The following KCNIP1 variants were observed in gnomAD, a reference collection of about 807,000 sequenced individuals.
KCNIP1 encodes the protein A-type potassium channel modulatory protein KCNIP1.
Under a neutral mutation model 33.0 loss-of-function variants are expected in KCNIP1, and 18 were observed. The observed-to-expected ratio is 0.55, with a 90% CI of 0.38 to 0.81. KCNIP1 has a LOEUF of 0.81. Ranked by LOEUF, KCNIP1 falls within the 30% of genes least tolerant of loss-of-function variation. The probability of loss-of-function intolerance (pLI) is 0.00; values close to 1 mark genes in which losing one functional copy is unlikely to be tolerated. For missense variants in KCNIP1, 238 were observed against 271.6 expected (o/e 0.88, Z 0.87); for synonymous variants, 93 against 98.3 (o/e 0.95, Z 0.32).
intron 1 of KCNIP1, among the ~76,000 whole-genome samples, chr5:170,406,982 C>T (rs1477269997): frequency 6.6e-6 from 1 of 152,192 alleles, no homozygotes; most frequent in Non-Finnish European, 1.5e-5. Context: ...CTTTCAAGAC[C>T]AAGAAGTCCA....
chr5:170,556,095 T>G (rs1164172800), intron 1 of KCNIP1, among the ~76,000 whole-genome samples: 1 of 152,216 alleles, frequency 6.6e-6, no homozygotes, highest in African/African-American at 2.4e-5. Flanking sequence ...AGGCACGGGA[T>G]TATGCACAGG....
intron 1 of KCNIP1, among the ~76,000 whole-genome samples, chr5:170,559,904 T>C (rs1756974017): frequency 6.6e-6 from 1 of 152,202 alleles, no homozygotes; most frequent in African/African-American, 2.4e-5. Context: ...TTCAACACCT[T>C]GACCACATTT....
At chr5:170,682,790 T>TTTTTTTTTTTTC in intron 1 of KCNIP1, among the ~76,000 whole-genome samples, 1 of 128,398 alleles carries the variant, frequency 7.8e-6, no homozygotes, top group Non-Finnish European at 1.6e-5. Flanking sequence ...GTTTCTTTTT[T>TTTTTTTTTTTTC]TTTTTTTTTT....
chr5:170,588,233 C>T (rs946658916), intron 1 of KCNIP1, among the ~76,000 whole-genome samples: 1 of 152,180 alleles, frequency 6.6e-6, no homozygotes, highest in Non-Finnish European at 1.5e-5. Flanking sequence ...CTGACAGTCA[C>T]TGTTGACTCC....
At chr5:170,502,270 C>A (rs952279802), upstream of KCNIP1, among the ~76,000 whole-genome samples, 1 of 152,184 alleles carries the variant, frequency 6.6e-6, no homozygotes, top group African/African-American at 2.4e-5. Flanking sequence ...AAGTGCCCCT[C>A]CCCTGTTGCA....
At chr5:170,654,470 C>T (rs1033035823) in intron 1 of KCNIP1, among the ~76,000 whole-genome samples, 6 of 152,116 alleles carry the variant, frequency 3.9e-5, no homozygotes, top group Admixed American at 1.3e-4. Flanking sequence ...CATTTTAAAA[C>T]GGGGGGCATC....
chr5:170,469,969 A>C (rs774360930), intron 1 of KCNIP1, among the ~76,000 whole-genome samples: 4 of 152,126 alleles, frequency 2.6e-5, no homozygotes, highest in Non-Finnish European at 4.4e-5. Flanking sequence ...AGGTTCACGT[A>C]TTTCCTGGCA....
intron 1 of KCNIP1, among the ~76,000 whole-genome samples, chr5:170,714,573 A>G (rs1008413870): frequency 5.9e-5 from 9 of 152,238 alleles, no homozygotes; most frequent in African/African-American, 1.9e-4. Context: ...CCATAAGATT[A>G]TAACAGAGCT....
chr5:170,452,751 G>C (rs1228074447), intron 1 of KCNIP1, among the ~76,000 whole-genome samples: 3 of 152,164 alleles, frequency 2.0e-5, no homozygotes, highest in Non-Finnish European at 4.4e-5. Flanking sequence ...TTATTTGTCT[G>C]AGTAATTTCT....
At chr5:170,580,352 A>G (rs1757744655) in intron 1 of KCNIP1, among the ~76,000 whole-genome samples, 1 of 152,208 alleles carries the variant, frequency 6.6e-6, no homozygotes, top group African/African-American at 2.4e-5. Context: ...GTTCCTATGT[A>G]CCCTGTACAT....
upstream of KCNIP1, among the ~76,000 whole-genome samples, chr5:170,499,207 A>T (rs897320952): frequency 7.2e-5 from 11 of 152,192 alleles, no homozygotes; most frequent in Non-Finnish European, 1.2e-4. Context: ...TGAGTCTTTT[A>T]ATACCAGATG....
At chr5:170,474,900 G>T (rs908334398) in intron 1 of KCNIP1, among the ~76,000 whole-genome samples, 1 of 152,220 alleles carries the variant, frequency 6.6e-6, no homozygotes, top group Non-Finnish European at 1.5e-5. Context: ...CCGCGTAGAA[G>T]GGGACCCCAC....
chr5:170,367,988 A>G (rs1486915210), intron 1 of KCNIP1, among the ~76,000 whole-genome samples: 1 of 152,244 alleles, frequency 6.6e-6, no homozygotes, highest in Non-Finnish European at 1.5e-5. Flanking sequence ...AATGGAAAAA[A>G]TTGTGTATTA....
chr5:170,409,339 GC>G (rs1282894378), intron 1 of KCNIP1, among the ~76,000 whole-genome samples: 1 of 152,114 alleles, frequency 6.6e-6, no homozygotes, highest in African/African-American at 2.4e-5. Context: ...GGGTCTTGAG[GC>G]CTCAAAAAGT....
intron 1 of KCNIP1, among the ~76,000 whole-genome samples, chr5:170,668,030 A>T (rs969880858): frequency 6.6e-6 from 1 of 152,236 alleles, no homozygotes; most frequent in African/African-American, 2.4e-5. Context: ...TTATCCAAGG[A>T]TCACACTGGC....
At chr5:170,390,781 T>A (rs1754554915) in intron 1 of KCNIP1, among the ~76,000 whole-genome samples, 1 of 151,626 alleles carries the variant, frequency 6.6e-6, no homozygotes, top group Non-Finnish European at 1.5e-5. Flanking sequence ...TCTGAGACAT[T>A]AAAAATCACC....
At position 170,663,474 on chromosome 5, in the gene KCNIP1, G is replaced by A. The variant is rs142283881; in HGVS notation, c.62-55284G>A. On this transcript the variant is annotated intron_variant, in intron 1 of 7. Coordinates refer to ENST00000328939, the MANE Select transcript of KCNIP1 (RefSeq NM_014592.4). ...GGCCAGCTGAGGGGGATTTTAGCCC[G>A]AATCCAGGGTTTCTCCTACAGAAGA... 1.7e-3 allele frequency among the ~76,000 whole-genome samples: 254 copies of A among 152,246 alleles called. 2 individuals carry two copies. Among genetic ancestry groups the A allele is most frequent in the Non-Finnish European group, 2.1e-3 (145 of 68,016 alleles).
intron 1 of KCNIP1, among the ~76,000 whole-genome samples, chr5:170,617,026 GC>G (rs1201313364): frequency 6.6e-6 from 1 of 151,874 alleles, no homozygotes; most frequent in Non-Finnish European, 1.5e-5. Flanking sequence ...CCACCAAGCA[GC>G]ACACTCTTTC....
chr5:170,392,142 G>A (rs748719768), intron 1 of KCNIP1, among the ~76,000 whole-genome samples: 1 of 152,014 alleles, frequency 6.6e-6, no homozygotes, highest in Non-Finnish European at 1.5e-5. Flanking sequence ...CCGAGGCCCC[G>A]TGCTCCAGCT....
Sources: allele counts gnomAD v4.1 joint callset (sites outside exome capture counted in the v4.1 genomes callset), GRCh38; gene constraint gnomAD v4.1.1; transcripts MANE v1.5; gene names NCBI Gene and HGNC (gene_info 2026-07-23, HGNC 2026-07-21).